Variants in KCNB2 observed in about 807,000 individuals in gnomAD.
KCNB2 encodes the protein potassium voltage-gated channel subfamily B member 2.
A neutral mutation model predicts 61.5 loss-of-function variants in KCNB2; 15 were observed. The ratio of observed to expected loss-of-function variants is 0.24; its 90% CI spans 0.16 to 0.38. KCNB2 has a LOEUF of 0.38. Among genes scored for constraint, KCNB2 ranks in the 10% least tolerant of loss-of-function variants. The probability of loss-of-function intolerance (pLI) is 1.00; values close to 1 mark genes in which losing one functional copy is unlikely to be tolerated. For missense variants in KCNB2, 828 were observed against 1,125.2 expected, an observed-to-expected ratio of 0.74 and a Z score of 3.78; for synonymous variants, 457 against 446.0, an observed-to-expected ratio of 1.02 and a Z score of -0.31.
intron 2 of KCNB2, chr8:72,619,265 AG>A: frequency 1.6e-6 from 1 of 618,426 alleles, no homozygotes; most frequent in Non-Finnish European, 3.2e-6. Flanking sequence ...TGTCAACCAA[AG>A]CATTCAGATA....
chr8:72,834,582 C>T (rs572117709), intron 2 of KCNB2, among the ~76,000 whole-genome samples: 117 of 152,262 alleles, frequency 7.7e-4, no homozygotes, highest in Non-Finnish European at 5.7e-4. Context: ...GAGCCACAAA[C>T]CTGAGCCAGG....
At chr8:72,647,539 A>G (rs1462755071) in intron 2 of KCNB2, among the ~76,000 whole-genome samples, 3 of 152,186 alleles carry the variant, frequency 2.0e-5, no homozygotes, top group African/African-American at 7.2e-5. Flanking sequence ...AGAGCTCAGT[A>G]CTATCAAAGA....
At chr8:72,862,620 GT>G (rs1805437111) in intron 2 of KCNB2, among the ~76,000 whole-genome samples, 1 of 152,172 alleles carries the variant, frequency 6.6e-6, no homozygotes, top group Admixed American at 6.5e-5. Context: ...GGAGTTTCCA[GT>G]TTCCTCACCT....
intron 2 of KCNB2, among the ~76,000 whole-genome samples, chr8:72,725,117 A>C (rs1301928405): frequency 6.6e-6 from 1 of 152,154 alleles, no homozygotes; most frequent in East Asian, 1.9e-4. Flanking sequence ...TTTTGTTTGC[A>C]GCAAAAGAAT....
At chr8:72,707,275 C>G (rs967557134) in intron 2 of KCNB2, among the ~76,000 whole-genome samples, 1 of 152,146 alleles carries the variant, frequency 6.6e-6, no homozygotes, top group Admixed American at 6.6e-5. Flanking sequence ...TGCTTAAAAT[C>G]TTTAATTTAG....
intron 2 of KCNB2, among the ~76,000 whole-genome samples, chr8:72,580,341 G>A (rs991562854): frequency 2.6e-5 from 4 of 152,102 alleles, no homozygotes; most frequent in Admixed American, 6.5e-5. Flanking sequence ...AATGTGTGTC[G>A]AGTGCCCCAC....
Position 72,729,001 on chromosome 8 carries a change from C to T in KCNB2, c.579+160688C>T, listed in dbSNP as rs114219249. On this transcript the variant is annotated intron_variant, in intron 2 of 2. Coordinates refer to ENST00000523207, the MANE Select transcript of KCNB2 (RefSeq NM_004770.3). ...AGGATGCATGTGAAGACCATGATGT[C>T]TTTCACAGTTAACAAAAACTGAGAG... 4.6e-3 allele frequency among the ~76,000 whole-genome samples: 708 copies of T among 152,300 alleles called. 7 individuals carry two copies. The highest frequency in any genetic ancestry group is 0.016 in the African/African-American group (676 of 41,564).
At chr8:72,570,858 A>G (rs1016724027) in intron 2 of KCNB2, among the ~76,000 whole-genome samples, 14 of 152,192 alleles carry the variant, frequency 9.2e-5, no homozygotes, top group African/African-American at 3.4e-4. Context: ...GTTTTTGCTT[A>G]TTCAGTATGG....
intron 2 of KCNB2, among the ~76,000 whole-genome samples, chr8:72,835,006 A>T (rs2129002129): frequency 6.6e-6 from 1 of 152,276 alleles, no homozygotes; most frequent in Admixed American, 6.5e-5. Context: ...ATATTCCTCT[A>T]GTGAGGCTCA....
intron 2 of KCNB2, among the ~76,000 whole-genome samples, chr8:72,598,705 GCA>G (rs1807239367): frequency 6.6e-6 from 1 of 152,148 alleles, no homozygotes; most frequent in Non-Finnish European, 1.5e-5. Flanking sequence ...GAAAATCCCA[GCA>G]TCTCAGCCCA....
Position 72,749,846 on chromosome 8 carries a change from A to T in KCNB2, c.579+181533A>T, listed in dbSNP as rs57654969. Among the ~76,000 whole-genome samples the T allele has an allele frequency of 5.5e-3, 812 of 147,040 alleles. 8 individuals carry two copies. Among genetic ancestry groups the T allele is most frequent in the African/African-American group, 0.018 (740 of 40,584 alleles). ...TGATATATACAATATAATTTTGTAT[A>T]TATTATATATATTTTTATATATATA... On this transcript the variant is annotated intron_variant, in intron 2 of 2. Coordinates refer to ENST00000523207, the MANE Select transcript of KCNB2 (RefSeq NM_004770.3).
chr8:72,767,798 T>C (rs1013517828), intron 2 of KCNB2, among the ~76,000 whole-genome samples: 2 of 152,222 alleles, frequency 1.3e-5, no homozygotes, highest in African/African-American at 4.8e-5. Flanking sequence ...ACAAATTGTT[T>C]TCCAAAATGC....
intron 2 of KCNB2, among the ~76,000 whole-genome samples, chr8:72,673,996 A>G (rs1806608379): frequency 6.6e-6 from 1 of 152,210 alleles, no homozygotes; most frequent in Non-Finnish European, 1.5e-5. Flanking sequence ...AGAAAAAACT[A>G]TGAATTAGTA....
intron 2 of KCNB2, among the ~76,000 whole-genome samples, chr8:72,839,064 A>G (rs552913405): frequency 6.6e-6 from 1 of 152,294 alleles, no homozygotes; most frequent in Admixed American, 6.5e-5. Flanking sequence ...AATAGTAAAA[A>G]TCACCCCATT....
At chr8:72,702,105 C>G (rs1325598591) in intron 2 of KCNB2, among the ~76,000 whole-genome samples, 1 of 152,140 alleles carries the variant, frequency 6.6e-6, no homozygotes, top group African/African-American at 2.4e-5. Flanking sequence ...ATCTTCATCT[C>G]TGTCACTGAT....
intron 2 of KCNB2, among the ~76,000 whole-genome samples, chr8:72,690,019 TA>T (rs2128989951): frequency 7.2e-6 from 1 of 139,570 alleles, no homozygotes; most frequent in Non-Finnish European, 1.5e-5. Context: ...AGGTCTGCAT[TA>T]AAACCTTGCC....
chr8:72,797,559 G>GA (rs1321070545), intron 2 of KCNB2, among the ~76,000 whole-genome samples: 1 of 152,182 alleles, frequency 6.6e-6, no homozygotes, highest in Admixed American at 6.5e-5. Flanking sequence ...TTATCACTGA[G>GA]AAAATGTGCT....
intron 2 of KCNB2, among the ~76,000 whole-genome samples, chr8:72,592,823 G>A (rs557995386): frequency 6.6e-6 from 1 of 152,116 alleles, no homozygotes; most frequent in East Asian, 1.9e-4. Flanking sequence ...AAATTTGGGG[G>A]TTTTTGTTAT....
At position 72,561,719 on chromosome 8, in the gene KCNB2, A is replaced by ATGTG. The variant is rs1305031303; in HGVS notation, c.-93-5922_-93-5921insGTGT. 1.2e-3 allele frequency among the ~76,000 whole-genome samples: 28 copies of ATGTG among 24,098 alleles called. 1 individual carries two copies. Among genetic ancestry groups the ATGTG allele is most frequent in the African/African-American group, 7.7e-3 (21 of 2,744 alleles). 15.8% of individuals were successfully genotyped at this position (24,098 alleles called of 152,430 possible). A position where few individuals can be genotyped will look rare whatever the true frequency, so the allele number is the denominator to read the frequency against. On this transcript the variant is annotated intron_variant, in intron 1 of 2. Coordinates refer to ENST00000523207, the MANE Select transcript of KCNB2 (RefSeq NM_004770.3). ...TATATATATATATATATATATATAT[A>ATGTG]TATATATATCTATATCTATATATAT... is the stretch of plus-strand genomic sequence containing the variant.
Sources: allele counts gnomAD v4.1 joint callset (sites outside exome capture counted in the v4.1 genomes callset), GRCh38; gene constraint gnomAD v4.1.1; transcripts MANE v1.5; gene names NCBI Gene and HGNC (gene_info 2026-07-23, HGNC 2026-07-21).